Variants in MYO10 observed in about 807,000 individuals in gnomAD.
MYO10 encodes myosin X, also known as unconventional myosin-X.
MYO10 carries 133 observed loss-of-function variants against 257.3 expected under a neutral mutation model. That is an observed-to-expected ratio of 0.52 (90% CI 0.45 to 0.60). The LOEUF is 0.60. Among genes scored for constraint, MYO10 ranks in the 20% least tolerant of loss-of-function variants. The probability of loss-of-function intolerance (pLI) is 0.00; values close to 1 mark genes in which losing one functional copy is unlikely to be tolerated. For missense variants in MYO10, 2,399 were observed against 2,635.7 expected, an observed-to-expected ratio of 0.91 and a Z score of 1.97; for synonymous variants, 1,104 against 1,028.6, an observed-to-expected ratio of 1.07 and a Z score of -1.40.
chr5:16,933,387 A>C (rs1348531675), intron 1 of MYO10, among the ~76,000 whole-genome samples: 2 of 152,218 alleles, frequency 1.3e-5, no homozygotes, highest in Admixed American at 6.5e-5. Context: ...AATCACAAGC[A>C]GCTCCCATTT....
intron 2 of MYO10, among the ~76,000 whole-genome samples, chr5:16,828,073 C>T (rs1743053091): frequency 6.6e-6 from 1 of 152,162 alleles, no homozygotes; most frequent in South Asian, 2.1e-4. Flanking sequence ...TCCCTGGGCA[C>T]ATTCCTCACC....
chr5:16,818,630 G>A (rs1194806766), intron 2 of MYO10, among the ~76,000 whole-genome samples: 1 of 149,982 alleles, frequency 6.7e-6, no homozygotes, highest in Non-Finnish European at 1.5e-5. Flanking sequence ...TAGATACAGG[G>A]TTTTGTCATG....
chr5:16,749,664 C>A (rs946631895), intron 19 of MYO10, among the ~76,000 whole-genome samples: 1 of 152,136 alleles, frequency 6.6e-6, no homozygotes, highest in Non-Finnish European at 1.5e-5. Flanking sequence ...GATGATGCTG[C>A]TGGAACCCAT....
intron 19 of MYO10, among the ~76,000 whole-genome samples, chr5:16,746,292 C>T (rs548607093): frequency 2.0e-5 from 3 of 152,266 alleles, no homozygotes; most frequent in African/African-American, 7.2e-5. Flanking sequence ...ACCTTCTTTA[C>T]GGCAACCTGT....
At chr5:16,720,022 G>A (rs199937013) in intron 19 of MYO10, among the ~76,000 whole-genome samples, 7 of 142,216 alleles carry the variant, frequency 4.9e-5, no homozygotes, top group Middle Eastern at 3.4e-3. Flanking sequence ...GTGTGTGTGT[G>A]TATATGTATG....
chr5:16,873,299 C>A (rs1744499655), intron 2 of MYO10, among the ~76,000 whole-genome samples: 1 of 152,260 alleles, frequency 6.6e-6, no homozygotes, highest in South Asian at 2.1e-4. Context: ...TCTCCTTTGA[C>A]TCCAGGTCTC....
rs576310394 is a variant in MYO10, at chr5:16,742,861, C to T, written c.1929+11967G>A. 1.8e-4 allele frequency among the ~76,000 whole-genome samples: 28 copies of T among 152,088 alleles called. 1 individual carries two copies. The highest frequency in any genetic ancestry group is 3.1e-4 in the Non-Finnish European group (21 of 67,990). On this transcript the variant is annotated intron_variant, in intron 19 of 40. Coordinates refer to ENST00000513610, the MANE Select transcript of MYO10 (RefSeq NM_012334.3). ...AAAGGCCAGGCGTGATGGCTCACGC[C>T]TGTAATCCCAGCACTTTGGGAGGCT...
intron 4 of MYO10, among the ~76,000 whole-genome samples, chr5:16,785,675 G>A (rs1579988778): frequency 6.6e-6 from 1 of 152,018 alleles, no homozygotes; most frequent in South Asian, 2.1e-4. Context: ...TTTGAGACCA[G>A]CCTGGCTAAC....
At position 16,928,327 on chromosome 5, in the gene MYO10, T is replaced by C. The variant is rs529840830; in HGVS notation, c.21+7461A>G. Among the ~76,000 whole-genome samples the C allele has an allele frequency of 2.1e-4, 32 of 152,222 alleles. 1 individual carries two copies. The South Asian group carries it at 6.4e-3, about 31-fold the overall frequency. On this transcript the variant is annotated intron_variant, in intron 1 of 40. Coordinates refer to ENST00000513610, the MANE Select transcript of MYO10 (RefSeq NM_012334.3). ...CTCCTGCCTCAGCCTTCCAAGTAGT[T>C]GCGATTACAGGCCCATGTCACCACG...
chr5:16,927,070 T>C (rs1746155033), intron 1 of MYO10, among the ~76,000 whole-genome samples: 2 of 152,238 alleles, frequency 1.3e-5, no homozygotes, highest in African/African-American at 4.8e-5. Context: ...TTTGTAAGCA[T>C]GGTTTATAAC....
intron 3 of MYO10, among the ~76,000 whole-genome samples, chr5:16,800,156 G>C (rs1742080394): frequency 6.6e-6 from 1 of 152,048 alleles, no homozygotes; most frequent in Non-Finnish European, 1.5e-5. Flanking sequence ...CAATAATATT[G>C]ATCTTTGTAT....
At chr5:16,680,219 G>T in intron 32 of MYO10, 115 bp from the exon 33 acceptor site, 1 of 1,272,984 alleles carries the variant, frequency 7.9e-7, no homozygotes, top group Middle Eastern at 2.8e-4. Flanking sequence ...AATAGACACT[G>T]GCTTAATTCC....
At chr5:16,870,981 C>T (rs1744442649) in intron 2 of MYO10, among the ~76,000 whole-genome samples, 1 of 152,148 alleles carries the variant, frequency 6.6e-6, no homozygotes, top group South Asian at 2.1e-4. Context: ...CACCATCTGA[C>T]CTCAAACATG....
chr5:16,817,892 A>G (rs1319376949), intron 3 of MYO10, 117 bp downstream of exon 3: 3 of 964,546 alleles, frequency 3.1e-6, no homozygotes, highest in African/African-American at 1.7e-5. Flanking sequence ...CCTTGAAAAC[A>G]TAATTTTACT....
At chr5:16,685,684 T>TA in intron 29 of MYO10, 54 bp downstream of exon 29, 1 of 1,238,684 alleles carries the variant, frequency 8.1e-7, no homozygotes. Flanking sequence ...CCTGACGCCC[T>TA]CCCCGTCCCT....
At chr5:16,822,234 A>C (rs907109211) in intron 2 of MYO10, among the ~76,000 whole-genome samples, 5 of 151,746 alleles carry the variant, frequency 3.3e-5, no homozygotes, top group Admixed American at 2.0e-4. Context: ...ACGTTTACCT[A>C]CGTGACAAAC....
intron 14 of MYO10, 129 bp downstream of exon 14, chr5:16,763,352 T>C: frequency 1.4e-6 from 1 of 728,552 alleles, no homozygotes; most frequent in Non-Finnish European, 2.4e-6. Context: ...TGTTTCCAAA[T>C]GGTCCATTGT....
chr5:16,692,113 C>T (rs973372979), intron 27 of MYO10, among the ~76,000 whole-genome samples: 1 of 152,164 alleles, frequency 6.6e-6, no homozygotes, highest in African/African-American at 2.4e-5. Flanking sequence ...AAGAACACTA[C>T]CACCTCCACT....
At chr5:16,885,693 C>T (rs538405253) in intron 1 of MYO10, among the ~76,000 whole-genome samples, 9 of 151,530 alleles carry the variant, frequency 5.9e-5, no homozygotes, top group Admixed American at 3.3e-4. Context: ...CAAAAAAAAA[C>T]GGCGGGGGTT....
Sources: gnomAD v4.1 joint callset for allele counts (sites outside exome capture counted in the v4.1 genomes callset) on GRCh38, gnomAD v4.1.1 for gene constraint, MANE v1.5 for transcripts, NCBI Gene and HGNC (gene_info 2026-07-23, HGNC 2026-07-21) for gene names.